The following TRIO variants were observed in gnomAD, a reference collection of about 807,000 sequenced individuals.
TRIO encodes the protein triple functional domain protein.
A neutral mutation model predicts 351.9 loss-of-function variants in TRIO; 58 were observed. The observed-to-expected ratio is 0.16, with a 90% CI of 0.13 to 0.21. TRIO has a LOEUF of 0.21. TRIO is among the 10% of genes least tolerant of loss of function. The pLI is 1.00. For synonymous variants in TRIO, 1,758 were observed against 1,595.7 expected, an observed-to-expected ratio of 1.10 and a Z score of -2.42; for missense variants, 3,201 against 4,027.8, an observed-to-expected ratio of 0.79 and a Z score of 5.56.
At chr5:14,182,284 C>T (rs544057498) in intron 1 of TRIO, among the ~76,000 whole-genome samples, 24 of 152,272 alleles carry the variant, frequency 1.6e-4, no homozygotes, top group East Asian at 7.7e-4. Context: ...TTGGTAGAAC[C>T]GCCTATTACT....
intron 1 of TRIO, among the ~76,000 whole-genome samples, chr5:14,255,050 A>G (rs1330755691): frequency 6.6e-6 from 1 of 152,180 alleles, no homozygotes; most frequent in African/African-American, 2.4e-5. Flanking sequence ...TTTAGAATCC[A>G]AAATTGATTT....
At chr5:14,380,528 T>C (rs1266268265) in intron 20 of TRIO, among the ~76,000 whole-genome samples, 2 of 139,032 alleles carry the variant, frequency 1.4e-5, no homozygotes, top group Admixed American at 7.4e-5. Context: ...TCTAGTCCCT[T>C]CCTGAAAAGG....
chr5:14,407,160 G>A (rs183568469), intron 33 of TRIO, among the ~76,000 whole-genome samples: 48 of 152,248 alleles, frequency 3.2e-4, no homozygotes, highest in Admixed American at 5.9e-4. Context: ...TGTGGGGAGA[G>A]AGGAGTCCTT....
chr5:14,354,320 T>C (rs1414540414), intron 11 of TRIO, among the ~76,000 whole-genome samples: 1 of 152,252 alleles, frequency 6.6e-6, no homozygotes, highest in African/African-American at 2.4e-5. Context: ...AAAAAGCGTT[T>C]TTGTTTTCTC....
chr5:14,151,645 C>T (rs750209952), intron 1 of TRIO, among the ~76,000 whole-genome samples: 12 of 152,084 alleles, frequency 7.9e-5, no homozygotes, highest in African/African-American at 1.7e-4. Context: ...TATGAGAAGT[C>T]GTTAAGATGT....
intron 11 of TRIO, among the ~76,000 whole-genome samples, chr5:14,344,260 G>A (rs1742205286): frequency 2.6e-5 from 4 of 152,136 alleles, no homozygotes; most frequent in South Asian, 4.1e-4. Context: ...ACCTGCTGGC[G>A]TAGCATTATG....
chr5:14,252,643 C>T (rs1355930148), intron 1 of TRIO, among the ~76,000 whole-genome samples: 1 of 152,242 alleles, frequency 6.6e-6, no homozygotes, highest in Non-Finnish European at 1.5e-5. Context: ...TCCTTTCAAA[C>T]TGACCTTTCT....
chr5:14,340,257 C>T (rs947484683), intron 11 of TRIO, among the ~76,000 whole-genome samples: 11 of 151,970 alleles, frequency 7.2e-5, no homozygotes, highest in South Asian at 2.1e-4. Context: ...ATTAGCCAGG[C>T]GTGGTGGCGG....
In TRIO at chr5:14,492,956, C is replaced by T. The variant is rs375120503; in HGVS notation, c.7880+142C>T. 560 of 1,320,012 alleles carry T rather than the reference C, an allele frequency of 4.2e-4. No individual in the cohort carries two copies. The Middle Eastern group carries it at 5.4e-3, about 13-fold the overall frequency. 81.8% of individuals were successfully genotyped at this position (1,320,012 alleles called of 1,614,324 possible). ...GTTAGAACAGGCTCAGCTCTGAGCA[C>T]GTGGGAAGATGGGTGGCCTTCCATC... On this transcript the variant is annotated intron_variant, in intron 49 of 56. Transcript: ENST00000344204.
intron 33 of TRIO, 41 bp from the exon 34 acceptor site, chr5:14,419,737 C>T: frequency 2.5e-6 from 4 of 1,604,334 alleles, no homozygotes; most frequent in Non-Finnish European, 3.4e-6. Flanking sequence ...CACCATGGCT[C>T]ACACTGGCTG....
chr5:14,441,080 G>C (rs1039409429), intron 34 of TRIO: 2 of 152,468 alleles, frequency 1.3e-5, no homozygotes, highest in Non-Finnish European at 2.9e-5. Flanking sequence ...CGGCCGCTGA[G>C]CAACACGCTG....
At chr5:14,179,934 TA>T (rs1175839540) in intron 1 of TRIO, among the ~76,000 whole-genome samples, 1 of 151,264 alleles carries the variant, frequency 6.6e-6, no homozygotes, top group Non-Finnish European at 1.5e-5. Context: ...TCGTCTCTAC[TA>T]AAAAAATACA....
Position 14,487,936 on chromosome 5 carries a change from C to T in TRIO, c.7308C>T (p.Asp2436=), listed in dbSNP as rs996969519. The change falls in exon 48 of 57, where the codon GAC becomes GAT. Residue 2436 remains aspartate (D), a synonymous_variant. Transcript: ENST00000344204. ...CGAGCCCAGACGCCCCCGCCAAGGA[C>T]GCGCGCGCTAGCCTGGGCACCCTGC... ...SGSSPDAPAK[D]ARASLGTLPL... 3 of 1,543,132 alleles carry T rather than the reference C, an allele frequency of 1.9e-6. No homozygotes were observed. Among genetic ancestry groups the T allele is most frequent in the East Asian group, 2.4e-5 (1 of 40,940 alleles).
At chr5:14,343,674 G>A (rs1168809574) in intron 11 of TRIO, among the ~76,000 whole-genome samples, 2 of 152,114 alleles carry the variant, frequency 1.3e-5, no homozygotes, top group Non-Finnish European at 2.9e-5. Context: ...GGGGACATTC[G>A]AGTTATTTTC....
intron 11 of TRIO, among the ~76,000 whole-genome samples, chr5:14,343,434 G>A (rs567321373): frequency 7.2e-5 from 11 of 152,200 alleles, no homozygotes; most frequent in African/African-American, 2.6e-4. Context: ...CTAACCCCTG[G>A]CAACCACTTA....
chr5:14,477,766 C>T (rs1459594857), intron 41 of TRIO, among the ~76,000 whole-genome samples: 2 of 152,196 alleles, frequency 1.3e-5, no homozygotes, highest in African/African-American at 4.8e-5. Flanking sequence ...CATCAGTCCA[C>T]TGGAAGATAC....
Position 14,488,206 on chromosome 5 carries a change from G to A in TRIO, c.7578G>A (p.Met2526Ile). The change falls in exon 48 of 57, where the codon ATG (methionine) becomes ATA (isoleucine). Residue 2526 changes from methionine to isoleucine, a missense_variant. Around this residue, in one of 19 missense-constraint regions of TRIO, gnomAD observed 1,089 missense variants for 954.9 expected, o/e 1.14. Transcript: ENST00000344204. Reference sequence around the variant, plus strand: ...CCCCTGGCAAGGATACTGACCGCATGAGCACGTGCTCCTCGGCCAGCGAGC... The same window carrying A: ...CCCCTGGCAAGGATACTGACCGCATAAGCACGTGCTCCTCGGCCAGCGAGC... ...HAAPGKDTDR[M>I]STCSSASEQS... 1.3e-6 allele frequency: 2 copies of A among 1,595,574 alleles called. No homozygotes were observed. Among genetic ancestry groups the A allele is most frequent in the Non-Finnish European group, 1.7e-6 (2 of 1,177,614 alleles).
At chr5:14,330,557 A>G (rs748692694) in intron 9 of TRIO, among the ~76,000 whole-genome samples, 6 of 152,228 alleles carry the variant, frequency 3.9e-5, no homozygotes, top group Non-Finnish European at 8.8e-5. Flanking sequence ...TTAATGTAAG[A>G]GATGATTAAA....
intron 20 of TRIO, among the ~76,000 whole-genome samples, chr5:14,379,081 T>A (rs1745832129): frequency 6.6e-6 from 1 of 152,162 alleles, no homozygotes; most frequent in Non-Finnish European, 1.5e-5. Context: ...CCGTAAACTT[T>A]CATCCAGAAT....
Sources: gnomAD v4.1 joint callset for allele counts (sites outside exome capture counted in the v4.1 genomes callset) on GRCh38, gnomAD v4.1.1 for gene constraint, gnomAD v4.1.1 regional missense constraint, MANE v1.5 for transcripts, NCBI Gene and HGNC (gene_info 2026-07-23, HGNC 2026-07-21) for gene names.